DENND2B: variants seen among roughly 807,000 people sequenced by gnomAD.
DENND2B encodes DENN domain containing 2B.
A neutral mutation model predicts 116.0 loss-of-function variants in DENND2B; 32 were observed. The ratio of observed to expected loss-of-function variants is 0.28; its 90% CI spans 0.21 to 0.37. DENND2B has a LOEUF of 0.37. Ranked by LOEUF, DENND2B falls within the 10% of genes least tolerant of loss-of-function variation. DENND2B has a pLI of 1.00. For synonymous variants in DENND2B, 588 were observed against 583.9 expected, an observed-to-expected ratio of 1.01 and a Z score of -0.10; for missense variants, 1,276 against 1,477.7, an observed-to-expected ratio of 0.86 and a Z score of 2.24.
At chr11:8,810,136 C>T (rs1594038937) in intron 1 of DENND2B, 1 of 151,022 alleles carries the variant, frequency 6.6e-6, no homozygotes, top group Non-Finnish European at 1.5e-5. Flanking sequence ...GAACAAGCGG[C>T]TCAAAAGGCA....
chr11:8,745,378 C>G (rs1002919968), intron 2 of DENND2B, among the ~76,000 whole-genome samples: 2 of 152,108 alleles, frequency 1.3e-5, no homozygotes, highest in African/African-American at 4.8e-5. Context: ...ATTTTGGTGA[C>G]AAGATTCCAT....
At chr11:8,736,539 T>G (rs542768722) in intron 2 of DENND2B, among the ~76,000 whole-genome samples, 1 of 152,124 alleles carries the variant, frequency 6.6e-6, no homozygotes, top group African/African-American at 2.4e-5. Context: ...GGGAAAGGGA[T>G]CAGAGATGAG....
chr11:8,898,247 T>C (rs900722924), intron 1 of DENND2B, among the ~76,000 whole-genome samples: 5 of 151,970 alleles, frequency 3.3e-5, no homozygotes, highest in African/African-American at 1.2e-4. Flanking sequence ...TAAAACCAAA[T>C]TGGGCACAGC....
intron 4 of DENND2B, among the ~76,000 whole-genome samples, chr11:8,722,062 T>C (rs1013038543): frequency 3.9e-5 from 6 of 152,236 alleles, no homozygotes; most frequent in Non-Finnish European, 8.8e-5. Flanking sequence ...CAGGGGCAGA[T>C]GTGAGATGGG....
At chr11:8,901,029 G>C (rs1383952196) in intron 1 of DENND2B, among the ~76,000 whole-genome samples, 2 of 150,336 alleles carry the variant, frequency 1.3e-5, no homozygotes, top group Non-Finnish European at 1.5e-5. Context: ...GGAATTACAG[G>C]CGTGAGCCAC....
chr11:8,731,248 G>A, intron 2 of DENND2B, 39 bp from the exon 3 acceptor site: 1 of 1,447,182 alleles, frequency 6.9e-7, no homozygotes, highest in Non-Finnish European at 9.1e-7. Context: ...AAAAGAAAAT[G>A]GCAGTGAGTG....
chr11:8,712,480 C>A lies in DENND2B; in HGVS notation c.2172+71G>T. Reference sequence around the variant, plus strand: ...TGACGAACAAGATCTCTCTCCTTCCCCAGATAGGCCTGGCGGATAGAGGAT... The same window carrying A: ...TGACGAACAAGATCTCTCTCCTTCCACAGATAGGCCTGGCGGATAGAGGAT... On this transcript the variant is annotated intron_variant, in intron 9 of 19. Transcript: ENST00000313726. The surrounding 1 kb of genome is among the most constrained non-coding windows in gnomAD (Gnocchi z 4.4). The A allele has an allele frequency of 6.8e-7, 1 of 1,462,034 alleles. No individual in the cohort carries two copies. Among genetic ancestry groups the A allele is most frequent in the East Asian group, 2.5e-5 (1 of 40,084 alleles). 90.6% of individuals were successfully genotyped at this position (1,462,034 alleles called of 1,614,324 possible).
chr11:8,780,849 G>C (rs1310867362), intron 1 of DENND2B, among the ~76,000 whole-genome samples: 2 of 152,156 alleles, frequency 1.3e-5, no homozygotes, highest in Non-Finnish European at 2.9e-5. Context: ...ACTGAGGTAA[G>C]CAGCAAGTGC....
chr11:8,844,439 T>C (rs2062733950), intron 3 of DENND2B, among the ~76,000 whole-genome samples: 5 of 152,162 alleles, frequency 3.3e-5, no homozygotes, highest in African/African-American at 1.2e-4. Context: ...ATATTTACAT[T>C]TTTAAATTAA....
At chr11:8,845,016 A>G (rs559714579) in intron 3 of DENND2B, among the ~76,000 whole-genome samples, 1 of 152,302 alleles carries the variant, frequency 6.6e-6, no homozygotes, top group South Asian at 2.1e-4. Flanking sequence ...TGTTCAGATT[A>G]CAGGTGTGAG....
rs146752028 is a variant in DENND2B at position 8,771,566 on chromosome 11, A to AGAGAGAGAGAGAGAGAGAGAGCGAGC, written c.-25-20842_-25-20841insGCTCGCTCTCTCTCTCTCTCTCTCTC. ...GAGAGAGAGAGAGAGAGAGAGAGAG[A>AGAGAGAGAGAGAGAGAGAGAGCGAGC]GCCTTCTTCCCAGTTCTGGGCACAG... On this transcript the variant is annotated intron_variant, in intron 1 of 19. Coordinates refer to ENST00000313726, the MANE Select transcript of DENND2B (RefSeq NM_213618.2). The AGAGAGAGAGAGAGAGAGAGAGCGAGC allele has an allele frequency of 1.1e-4, 13 of 120,382 alleles. 1 individual carries two copies. Among genetic ancestry groups the AGAGAGAGAGAGAGAGAGAGAGCGAGC allele is most frequent in the South Asian group, 9.0e-4 (3 of 3,332 alleles). The allele number at this position is 120,382 out of a possible 1,614,324, so 7.5% of individuals were successfully genotyped here.
intron 1 of DENND2B, among the ~76,000 whole-genome samples, chr11:8,789,617 T>C (rs1301514884): frequency 6.6e-6 from 1 of 152,124 alleles, no homozygotes; most frequent in East Asian, 1.9e-4. Flanking sequence ...TAAGTTACAG[T>C]TTATAGAATA....
intron 19 of DENND2B, chr11:8,694,402 G>C (rs751930601): frequency 2.2e-5 from 11 of 493,540 alleles, no homozygotes; most frequent in African/African-American, 9.7e-5. Flanking sequence ...CTGATCTGGC[G>C]GGCTGAGCAC....
chr11:8,698,166 A>AAAAAG lies in DENND2B; in HGVS notation c.2941-531_2941-530insCTTTT, dbSNP rs1555092981. Among the ~76,000 whole-genome samples the AAAAAG allele has an allele frequency of 2.7e-3, 347 of 129,332 alleles. 2 individuals are homozygous for AAAAAG. The highest frequency in any genetic ancestry group is 3.5e-3 in the Non-Finnish European group (219 of 61,774). 84.8% of individuals were successfully genotyped at this position (129,332 alleles called of 152,430 possible). A position where few individuals can be genotyped will look rare whatever the true frequency, so the allele number is the denominator to read the frequency against. On this transcript the variant is annotated intron_variant, in intron 16 of 19. Transcript: ENST00000313726. ...AAAAAAAAAAAAAAAAAAAAAAAAA[A>AAAAAG]GGGGGTAGAGCCAGTGTGGCATTCA...
In DENND2B at chr11:8,706,953, A is replaced by G. The variant is rs1196632116; in HGVS notation, c.2571+132T>C. The G allele has an allele frequency of 2.5e-6, 3 of 1,177,550 alleles. No homozygotes were observed. The African/African-American group carries it at 4.6e-5, about 18-fold the overall frequency. 72.9% of individuals were successfully genotyped at this position (1,177,550 alleles called of 1,614,324 possible). ...TTGTTTGCTCTTTTGGTCCCTAGTGATGGGGTACACAGACATGGTTGAGCA... is the reference window on the plus strand; with the variant it reads ...TTGTTTGCTCTTTTGGTCCCTAGTGGTGGGGTACACAGACATGGTTGAGCA... On this transcript the variant is annotated intron_variant, in intron 13 of 19. Transcript: ENST00000313726.
At chr11:8,765,426 T>C (rs1488362660) in intron 1 of DENND2B, among the ~76,000 whole-genome samples, 1 of 152,248 alleles carries the variant, frequency 6.6e-6, no homozygotes, top group Non-Finnish European at 1.5e-5. Flanking sequence ...TCAACATTTG[T>C]TGAACACCCC....
In DENND2B at chr11:8,696,420, G is replaced by A. The variant is rs904077084; in HGVS notation, c.3292+7C>T. Reference sequence around the variant, plus strand: ...ATTAGAGAAGAGAGCTGATAACCAAGACTTACCCTTTGCCCGACACTTTCT... The same window carrying A: ...ATTAGAGAAGAGAGCTGATAACCAAAACTTACCCTTTGCCCGACACTTTCT... On this transcript the variant is annotated splice_region_variant and intron_variant, in intron 18 of 19. Coordinates refer to ENST00000313726, the MANE Select transcript of DENND2B (RefSeq NM_213618.2). The A allele has an allele frequency of 3.1e-6, 5 of 1,613,864 alleles. No homozygotes were observed. Among genetic ancestry groups the A allele is most frequent in the Non-Finnish European group, 4.2e-6 (5 of 1,179,954 alleles).
intron 1 of DENND2B, chr11:8,784,192 G>C (rs2058668143): frequency 6.8e-6 from 1 of 146,974 alleles, no homozygotes; most frequent in African/African-American, 2.5e-5. Flanking sequence ...CCTCAGGATT[G>C]AACTATGATA....
At chr11:8,779,270 G>T (rs2058084817) in intron 1 of DENND2B, among the ~76,000 whole-genome samples, 1 of 152,190 alleles carries the variant, frequency 6.6e-6, no homozygotes, top group Non-Finnish European at 1.5e-5. Flanking sequence ...TGTTTGAGAT[G>T]AAGAATGAGA....
Sources: gnomAD v4.1 joint callset for allele counts (sites outside exome capture counted in the v4.1 genomes callset) on GRCh38, gnomAD v4.1.1 for gene constraint, Gnocchi (gnomAD v3.1) non-coding constraint, MANE v1.5 for transcripts, NCBI Gene and HGNC (gene_info 2026-07-23, HGNC 2026-07-21) for gene names.